Variants in ARHGAP28 observed in about 807,000 individuals in gnomAD.
ARHGAP28 encodes rho GTPase-activating protein 28.
A neutral mutation model predicts 90.7 loss-of-function variants in ARHGAP28; 56 were observed. The observed-to-expected ratio is 0.62, with a 90% CI of 0.50 to 0.77. The LOEUF (loss-of-function observed/expected upper bound fraction) is 0.77. Ranked by LOEUF, ARHGAP28 falls within the 30% of genes least tolerant of loss-of-function variation. ARHGAP28 has a pLI of 0.00. For synonymous variants in ARHGAP28, 308 were observed against 323.3 expected (o/e 0.95, Z 0.51); for missense variants, 869 against 900.9 (o/e 0.96, Z 0.45).
At chr18:6,764,128 C>T (rs1228835866) in intron 1 of ARHGAP28, among the ~76,000 whole-genome samples, 2 of 152,032 alleles carry the variant, frequency 1.3e-5, no homozygotes, top group African/African-American at 4.8e-5. Context: ...GTAATAATTT[C>T]AGTGAAATGA....
At chr18:6,844,744 G>A (rs2056853604) in intron 3 of ARHGAP28, among the ~76,000 whole-genome samples, 1 of 151,894 alleles carries the variant, frequency 6.6e-6, no homozygotes, top group Non-Finnish European at 1.5e-5. Flanking sequence ...AAGGGAAACT[G>A]AGTGTAAGGA....
intron 1 of ARHGAP28, among the ~76,000 whole-genome samples, chr18:6,793,428 C>T (rs529731215): frequency 1.3e-5 from 2 of 152,272 alleles, no homozygotes; most frequent in Non-Finnish European, 2.9e-5. Flanking sequence ...CTTCTGCATT[C>T]TGTCTTCCTA....
chr18:6,762,495 G>A (rs549506007), intron 1 of ARHGAP28, among the ~76,000 whole-genome samples: 2 of 152,168 alleles, frequency 1.3e-5, no homozygotes, highest in East Asian at 1.9e-4. Flanking sequence ...TTCAATTCAC[G>A]CACGATATTC....
intron 1 of ARHGAP28, among the ~76,000 whole-genome samples, chr18:6,770,771 G>A (rs1418840430): frequency 1.3e-5 from 2 of 152,040 alleles, no homozygotes; most frequent in Non-Finnish European, 1.5e-5. Context: ...AGGGGAGAGG[G>A]AAGAGGTGTG....
chr18:6,908,856 C>T (rs2057378581), intron 16 of ARHGAP28, 104 bp from the exon 17 acceptor site: 25 of 699,298 alleles, frequency 3.6e-5, no homozygotes, highest in South Asian at 3.5e-4. Flanking sequence ...GGACACATTT[C>T]GTCAAGGCAG....
At chr18:6,810,199 T>C (rs1297007856) in intron 1 of ARHGAP28, among the ~76,000 whole-genome samples, 2 of 152,126 alleles carry the variant, frequency 1.3e-5, no homozygotes, top group Non-Finnish European at 2.9e-5. Context: ...GTAAGTGTAT[T>C]GATAGAAGTA....
In ARHGAP28 at chr18:6,814,024, C is replaced by A. The variant is rs577772123; in HGVS notation, c.123-10738C>A. 2.6e-5 allele frequency among the ~76,000 whole-genome samples: 4 copies of A among 152,196 alleles called. No homozygotes were observed. The East Asian group carries it at 7.7e-4, about 29-fold the overall frequency. ...AGTCAGCCAATCACAACTGATGGAG[C>A]ACAGAATGGTTATTCTCCAGGGGAC... is the stretch of plus-strand genomic sequence containing the variant. On this transcript the variant is annotated intron_variant, in intron 1 of 17. Transcript: ENST00000383472.
chr18:6,780,214 C>T (rs552011887), intron 1 of ARHGAP28, among the ~76,000 whole-genome samples: 1 of 152,158 alleles, frequency 6.6e-6, no homozygotes, highest in Non-Finnish European at 1.5e-5. Flanking sequence ...TGGATCTTAA[C>T]CAAGCATTCA....
intron 1 of ARHGAP28, among the ~76,000 whole-genome samples, chr18:6,735,703 T>C (rs1463837229): frequency 6.6e-6 from 1 of 152,014 alleles, no homozygotes; most frequent in Non-Finnish European, 1.5e-5. Context: ...TACAGGCACA[T>C]GCCACCATGC....
chr18:6,864,825 T>C (rs1171026568), intron 5 of ARHGAP28, among the ~76,000 whole-genome samples: 2 of 151,942 alleles, frequency 1.3e-5, no homozygotes, highest in East Asian at 3.9e-4. Context: ...ACTGGGATTA[T>C]ACGTGTGCAC....
chr18:6,731,645 C>G (rs1692178774), intron 1 of ARHGAP28, among the ~76,000 whole-genome samples: 1 of 152,164 alleles, frequency 6.6e-6, no homozygotes, highest in Admixed American at 6.5e-5. Flanking sequence ...ACCATTGTTC[C>G]TCTGCTGCAG....
chr18:6,905,579 G>A (rs1356481839), intron 16 of ARHGAP28, among the ~76,000 whole-genome samples: 2 of 151,976 alleles, frequency 1.3e-5, no homozygotes, highest in Admixed American at 6.6e-5. Context: ...GAAATGGGAG[G>A]CATACAAGTT....
At chr18:6,900,315 A>G (rs1467898355) in intron 16 of ARHGAP28, among the ~76,000 whole-genome samples, 1 of 152,124 alleles carries the variant, frequency 6.6e-6, no homozygotes, top group African/African-American at 2.4e-5. Flanking sequence ...GAAAAAACAA[A>G]CCACGAAGTC....
chr18:6,767,995 C>T (rs990472881), intron 1 of ARHGAP28, among the ~76,000 whole-genome samples: 1 of 152,186 alleles, frequency 6.6e-6, no homozygotes, highest in Non-Finnish European at 1.5e-5. Context: ...TCAATGTTTC[C>T]AAACTTTTGT....
chr18:6,795,378 T>C (rs1008658106), intron 1 of ARHGAP28, among the ~76,000 whole-genome samples: 6 of 152,140 alleles, frequency 3.9e-5, no homozygotes, highest in African/African-American at 1.4e-4. Flanking sequence ...CGGGGAACAG[T>C]GTGTTCCCCT....
At chr18:6,862,433 T>C (rs900629687) in intron 5 of ARHGAP28, among the ~76,000 whole-genome samples, 1 of 152,202 alleles carries the variant, frequency 6.6e-6, no homozygotes, top group Non-Finnish European at 1.5e-5. Flanking sequence ...GAAGGTAACC[T>C]AAATTATCTT....
intron 1 of ARHGAP28, among the ~76,000 whole-genome samples, chr18:6,814,083 A>C (rs142960912): frequency 6.6e-6 from 1 of 152,284 alleles, no homozygotes; most frequent in African/African-American, 2.4e-5. Flanking sequence ...GAGTGACTCT[A>C]AGTGTGGAAA....
chr18:6,846,725 C>G (rs916787322), intron 3 of ARHGAP28, among the ~76,000 whole-genome samples: 1 of 152,134 alleles, frequency 6.6e-6, no homozygotes, highest in Non-Finnish European at 1.5e-5. Flanking sequence ...AGAGCAGACA[C>G]TGAAGCCTTT....
chr18:6,866,931 G>T (rs540138042), intron 5 of ARHGAP28, among the ~76,000 whole-genome samples: 32 of 152,262 alleles, frequency 2.1e-4, no homozygotes, highest in Non-Finnish European at 4.0e-4. Flanking sequence ...GCATTTCTTT[G>T]TTGGAAAACT....
Sources: allele counts gnomAD v4.1 joint callset (sites outside exome capture counted in the v4.1 genomes callset), GRCh38; gene constraint gnomAD v4.1.1; transcripts MANE v1.5; gene names NCBI Gene and HGNC (gene_info 2026-07-23, HGNC 2026-07-21).